Variants in FAM20B observed in about 807,000 individuals in gnomAD.
The protein encoded by FAM20B is glycosaminoglycan xylosylkinase.
A neutral mutation model predicts 43.8 loss-of-function variants in FAM20B; 23 were observed. That is an observed-to-expected ratio of 0.53 (90% CI 0.38 to 0.74). The LOEUF is 0.74. Among genes scored for constraint, FAM20B ranks in the 30% least tolerant of loss-of-function variants. The pLI is 0.00. For synonymous variants in FAM20B, 178 were observed against 192.4 expected (o/e 0.93, Z 0.62); for missense variants, 440 against 510.5 (o/e 0.86, Z 1.33).
At chr1:179,046,920 C>A (rs1037972955) in intron 2 of FAM20B, among the ~76,000 whole-genome samples, 3 of 151,200 alleles carry the variant, frequency 2.0e-5, no homozygotes, top group Non-Finnish European at 4.4e-5. Context: ...CGCTTGAACC[C>A]GGAGGCGGAG....
chr1:179,031,931 GAA>G, intron 1 of FAM20B, among the ~76,000 whole-genome samples: 3 of 152,318 alleles, frequency 2.0e-5, no homozygotes. Flanking sequence ...GAGTGTGGTA[GAA>G]TTGAACTTTG....
intron 4 of FAM20B, among the ~76,000 whole-genome samples, chr1:179,055,697 A>T (rs531654449): frequency 2.9e-4 from 44 of 152,340 alleles, no homozygotes; most frequent in African/African-American, 1.1e-3. Context: ...TCAAAGGCTC[A>T]CAGATGGTCA....
chr1:179,035,381 G>A, intron 1 of FAM20B: 1 of 707,406 alleles, frequency 1.4e-6, no homozygotes, highest in East Asian at 2.7e-5. Flanking sequence ...CGGTCCTCGT[G>A]GGCTTCATGA....
intron 3 of FAM20B, among the ~76,000 whole-genome samples, chr1:179,052,394 T>C (rs1449420166): frequency 6.6e-6 from 1 of 152,198 alleles, no homozygotes; most frequent in Non-Finnish European, 1.5e-5. Flanking sequence ...TAATACTTTA[T>C]TGGGAGGAAT....
intron 1 of FAM20B, among the ~76,000 whole-genome samples, chr1:179,042,575 G>A (rs1478383639): frequency 6.6e-6 from 1 of 152,142 alleles, no homozygotes. Context: ...GTGAGCAGGG[G>A]GTGTGTTTCA....
chr1:179,072,252 T>A lies in FAM20B; in HGVS notation c.*108T>A. 1 of 871,972 alleles carries A rather than the reference T, an allele frequency of 1.1e-6. No individual in the cohort carries two copies. Among genetic ancestry groups the A allele is most frequent in the Non-Finnish European group, 1.8e-6 (1 of 561,330 alleles). 54.0% of individuals were successfully genotyped at this position (871,972 alleles called of 1,614,324 possible). A position where few individuals can be genotyped will look rare whatever the true frequency, so the allele number is the denominator to read the frequency against. On this transcript the variant is annotated 3_prime_UTR_variant, in exon 8 of 8. Coordinates refer to ENST00000263733, the MANE Select transcript of FAM20B (RefSeq NM_014864.4). ...GGAAGTGGCCAGCAGCAAGTTCTGG[T>A]GACGGGACAGAGTGGCCTTGGATGT... is the stretch of plus-strand genomic sequence containing the variant.
chr1:179,046,024 G>A (rs1474770130), intron 2 of FAM20B, among the ~76,000 whole-genome samples: 2 of 152,078 alleles, frequency 1.3e-5, no homozygotes, highest in East Asian at 3.8e-4. Context: ...ACCCTTATAC[G>A]AAGGTTTAAC....
chr1:179,052,010 A>G (rs1289060595), intron 3 of FAM20B, among the ~76,000 whole-genome samples: 2 of 152,204 alleles, frequency 1.3e-5, no homozygotes, highest in African/African-American at 4.8e-5. Context: ...TTTCTGAATT[A>G]GGATTTTGTA....
At chr1:179,048,610 T>C (rs1650879258) in intron 2 of FAM20B, among the ~76,000 whole-genome samples, 4 of 152,354 alleles carry the variant, frequency 2.6e-5, no homozygotes, top group Non-Finnish European at 1.5e-5. Context: ...AGTACCTGAA[T>C]AGTGTCAGCT....
At chr1:179,048,509 A>G (rs193012572) in intron 2 of FAM20B, among the ~76,000 whole-genome samples, 35 of 152,338 alleles carry the variant, frequency 2.3e-4, no homozygotes, top group Middle Eastern at 3.4e-3. Context: ...CACTGAAAGG[A>G]CCATACTGCA....
At chr1:179,037,943 C>T (rs1650319057) in intron 1 of FAM20B, among the ~76,000 whole-genome samples, 1 of 152,062 alleles carries the variant, frequency 6.6e-6, no homozygotes. Context: ...GGGATTGGAC[C>T]GTTTTTCTTA....
At chr1:179,047,795 T>A (rs3766633) in intron 2 of FAM20B, among the ~76,000 whole-genome samples, 13,943 of 152,198 alleles carry the variant, frequency 0.092, 1,187 homozygotes, top group African/African-American at 0.23. Context: ...AAGTGCAAAT[T>A]AATGTCCTTG....
chr1:179,047,468 T>C (rs1470642909), intron 2 of FAM20B, among the ~76,000 whole-genome samples: 1 of 152,188 alleles, frequency 6.6e-6, no homozygotes, highest in Non-Finnish European at 1.5e-5. Flanking sequence ...AGCCTTATCT[T>C]CCTTTTGCTC....
At chr1:179,070,451 T>A (rs1431196801) in intron 7 of FAM20B, among the ~76,000 whole-genome samples, 1 of 151,544 alleles carries the variant, frequency 6.6e-6, no homozygotes, top group Non-Finnish European at 1.5e-5. Context: ...TATTGCTGTG[T>A]CATCATGTCA....
intron 1 of FAM20B, among the ~76,000 whole-genome samples, chr1:179,033,800 C>A (rs967516255): frequency 6.6e-6 from 1 of 152,092 alleles, no homozygotes; most frequent in East Asian, 1.9e-4. Context: ...TCAAGCGATT[C>A]TCCTGCCTCA....
intron 4 of FAM20B, among the ~76,000 whole-genome samples, chr1:179,060,370 C>G (rs1437115565): frequency 6.6e-6 from 1 of 152,114 alleles, no homozygotes; most frequent in African/African-American, 2.4e-5. Flanking sequence ...TCAGGGGTCC[C>G]CAACCCCTGG....
intron 2 of FAM20B, among the ~76,000 whole-genome samples, 176 bp from the exon 3 acceptor site, chr1:179,050,103 C>T (rs11808217): frequency 1.3e-4 from 20 of 152,174 alleles, no homozygotes; most frequent in African/African-American, 4.6e-4. Flanking sequence ...CCTTCTCTAC[C>T]TCATCTTCAT....
the FAM20B span, among the ~76,000 whole-genome samples, chr1:179,018,051 C>T: frequency 6.6e-6 from 1 of 152,224 alleles, no homozygotes; most frequent in African/African-American, 2.4e-5. Flanking sequence ...CTGCCCTTGA[C>T]ATCTGGATGA....
chr1:179,028,298 A>C (rs1458214164), intron 1 of FAM20B, among the ~76,000 whole-genome samples: 1 of 152,214 alleles, frequency 6.6e-6, no homozygotes, highest in African/African-American at 2.4e-5. Flanking sequence ...ATAAAAAGAC[A>C]GTTGGTCGGG....
Sources: gnomAD v4.1 joint callset for allele counts (sites outside exome capture counted in the v4.1 genomes callset) on GRCh38, gnomAD v4.1.1 for gene constraint, MANE v1.5 for transcripts, NCBI Gene and HGNC (gene_info 2026-07-23, HGNC 2026-07-21) for gene names.